The following CNNM1 variants were observed in gnomAD, a reference collection of about 807,000 sequenced individuals.
The protein encoded by CNNM1 is cyclin and CBS domain divalent metal cation transport mediator 1.
CNNM1 carries 44 observed loss-of-function variants against 78.8 expected under a neutral mutation model. That is an observed-to-expected ratio of 0.56 (90% CI 0.44 to 0.72). The LOEUF is 0.72. CNNM1 is among the 30% of genes least tolerant of loss of function. The pLI, the probability that CNNM1 is intolerant of heterozygous loss-of-function variation, is 0.00. For synonymous variants in CNNM1, 584 were observed against 581.5 expected (o/e 1.00, Z -0.06); for missense variants, 1,101 against 1,292.2 (o/e 0.85, Z 2.27).
chr10:99,387,354 C>T (rs528566125), intron 7 of CNNM1, among the ~76,000 whole-genome samples: 1 of 152,302 alleles, frequency 6.6e-6, no homozygotes, highest in South Asian at 2.1e-4. Context: ...TAGTCCAAAT[C>T]AGAAATGCCT....
At chr10:99,391,232 A>T (rs1171974339) in intron 10 of CNNM1, among the ~76,000 whole-genome samples, 1 of 152,270 alleles carries the variant, frequency 6.6e-6, no homozygotes, top group African/African-American at 2.4e-5. Context: ...CAGAGATGGC[A>T]TCTTATGTGG....
chr10:99,381,725 A>G (rs571764943), intron 7 of CNNM1, among the ~76,000 whole-genome samples: 1 of 151,724 alleles, frequency 6.6e-6, no homozygotes, highest in South Asian at 2.1e-4. Flanking sequence ...CCTGGGCGAC[A>G]AGAGCGAAAC....
In CNNM1 at chr10:99,360,857, G is replaced by A. The variant is rs1270786246; in HGVS notation, c.1740G>A (p.Arg580=). The change falls in exon 3 of 11, where the codon AGG becomes AGA. Residue 580 remains arginine (R), a synonymous_variant. Coordinates refer to ENST00000356713, the MANE Select transcript of CNNM1 (RefSeq NM_020348.3). ...DLYTDNRKKQ[R]VPQRERKRHD... ...CAGCTGACAATCGGAAAAAGCAGAG[G>A]GTCCCGCAACGGGAGCGGAAGCGGC... 3 of 1,609,118 alleles carry A rather than the reference G, an allele frequency of 1.9e-6. No homozygotes were observed. The highest frequency in any genetic ancestry group is 3.3e-5 in the Admixed American group (2 of 59,784).
intron 7 of CNNM1, among the ~76,000 whole-genome samples, chr10:99,383,711 A>G (rs1405569187): frequency 1.3e-5 from 2 of 152,196 alleles, no homozygotes; most frequent in Non-Finnish European, 2.9e-5. Context: ...GGGACTGGGT[A>G]GAGAGAGAAG....
At chr10:99,367,446 G>T (rs1404758222) in intron 6 of CNNM1, among the ~76,000 whole-genome samples, 1 of 152,146 alleles carries the variant, frequency 6.6e-6, no homozygotes. Context: ...GGTTCTGATT[G>T]CCAGGAACCC....
intron 9 of CNNM1, among the ~76,000 whole-genome samples, chr10:99,389,931 C>T (rs1057191608): frequency 6.6e-6 from 1 of 152,134 alleles, no homozygotes; most frequent in Non-Finnish European, 1.5e-5. Context: ...TGCAAATATA[C>T]CAAGGAGACC....
intron 1 of CNNM1, among the ~76,000 whole-genome samples, chr10:99,351,705 A>C (rs182737975): frequency 9.2e-5 from 14 of 151,968 alleles, no homozygotes; most frequent in Admixed American, 2.0e-4. Flanking sequence ...CTTCTCCCCT[A>C]TTTCTTGTCT....
chr10:99,390,929 T>G (rs1213459742), intron 10 of CNNM1, among the ~76,000 whole-genome samples: 1 of 152,236 alleles, frequency 6.6e-6, no homozygotes, highest in Non-Finnish European at 1.5e-5. Context: ...CAGATTGCTC[T>G]CTCATCCTTG....
intron 3 of CNNM1, 71 bp from the exon 4 acceptor site, chr10:99,362,156 C>G: frequency 7.0e-7 from 1 of 1,433,266 alleles, no homozygotes; most frequent in Non-Finnish European, 9.4e-7. Context: ...TGACTCCTCC[C>G]AGCTGCCACT....
rs1283834235 is a variant in CNNM1 at position 99,330,356 on chromosome 10, C to G, written c.969C>G (p.Phe323Leu). The G allele has an allele frequency of 4.4e-6, 7 of 1,599,700 alleles. No homozygotes were observed. Among genetic ancestry groups the G allele is most frequent in the Non-Finnish European group, 6.0e-6 (7 of 1,174,300 alleles). The change falls in exon 1 of 11, where the codon TTC (phenylalanine) becomes TTG (leucine). Residue 323 changes from phenylalanine (F) to leucine (L), a missense_variant. Transcript: ENST00000356713. ...ACTACAGCGAAGAGGGGATCCACTT[C>G]CCGTGGCTGCCGGCGCTCGTGTGCA... The part of the protein sequence containing the change: ...GEDYSEEGIH[F>L]PWLPALVCTG...
intron 1 of CNNM1, among the ~76,000 whole-genome samples, chr10:99,340,637 A>G (rs2030401095): frequency 6.6e-6 from 1 of 151,846 alleles, no homozygotes; most frequent in Non-Finnish European, 1.5e-5. Context: ...ACAGCTCTAA[A>G]TTCTCTTTTT....
At chr10:99,343,919 C>T (rs532386116) in intron 1 of CNNM1, among the ~76,000 whole-genome samples, 9 of 150,356 alleles carry the variant, frequency 6.0e-5, no homozygotes, top group African/African-American at 1.9e-4. Context: ...GATGGGGTTT[C>T]ACCATATTGG....
rs1435506726 is a variant in CNNM1 at position 99,330,525 on chromosome 10, C to G, written c.1138C>G (p.Leu380Val). The G allele has an allele frequency of 1.3e-6, 2 of 1,590,584 alleles. No homozygotes were observed. The change falls in exon 1 of 11, where the codon CTG becomes GTG. Residue 380 changes from leucine to valine, a missense_variant. By Grantham distance (32) the Leu-to-Val change is conservative. Transcript: ENST00000356713. ...CGTGTGCTACCCGCTGGGCCGCCTG[C>G]TGGACTGGGCGCTGCGCCAGGAGAT... ...FPVCYPLGRL[L>V]DWALRQEIST... is the part of the protein sequence containing the mutation.
At position 99,394,059 on chromosome 10, in the gene CNNM1, C is replaced by A. The variant is rs1347671997; in HGVS notation, c.*2543C>A. The A allele has an allele frequency of 1.3e-5, 2 of 152,444 alleles. No individual in the cohort carries two copies. 9.4% of individuals were successfully genotyped at this position (152,444 alleles called of 1,614,324 possible). ...GAACTACCATCATGCAGGCTTCTTG[C>A]CCAGCTGACCACTGGCCCCGGGGTG... is the stretch of plus-strand genomic sequence containing the variant. On this transcript the variant is annotated 3_prime_UTR_variant, in exon 11 of 11. Coordinates refer to ENST00000356713, the MANE Select transcript of CNNM1 (RefSeq NM_020348.3).
chr10:99,351,592 C>T (rs2030950840), intron 1 of CNNM1, among the ~76,000 whole-genome samples: 1 of 152,078 alleles, frequency 6.6e-6, no homozygotes, highest in Non-Finnish European at 1.5e-5. Context: ...AGATGTGAAC[C>T]AGGCCAACAG....
chr10:99,365,642 T>C (rs1341052761), intron 6 of CNNM1, among the ~76,000 whole-genome samples: 3 of 152,210 alleles, frequency 2.0e-5, no homozygotes, highest in Admixed American at 6.5e-5. Flanking sequence ...GCACTTGTGC[T>C]TAAAGGGCAT....
intron 1 of CNNM1, among the ~76,000 whole-genome samples, chr10:99,356,486 A>G (rs12259036): frequency 3.7e-5 from 5 of 136,976 alleles, no homozygotes; most frequent in South Asian, 2.3e-4. Context: ...GAAAGAAAGA[A>G]AGAGAGAGAG....
At position 99,335,504 on chromosome 10, in the gene CNNM1, C is replaced by T. The variant is rs1443871519; in HGVS notation, c.1573+4544C>T. Among the ~76,000 whole-genome samples the T allele has an allele frequency of 3.3e-5, 5 of 152,200 alleles. No homozygotes were observed. The East Asian group carries it at 7.7e-4, about 23-fold the overall frequency. On this transcript the variant is annotated intron_variant, in intron 1 of 10. Coordinates refer to ENST00000356713, the MANE Select transcript of CNNM1 (RefSeq NM_020348.3). ...TGAATAAATGGTTTTAAATACCTAA[C>T]TTCTATATTTCTATGTTTGAGTGAG...
intron 2 of CNNM1, among the ~76,000 whole-genome samples, chr10:99,359,324 C>T (rs2031344827): frequency 6.6e-6 from 1 of 152,144 alleles, no homozygotes; most frequent in Admixed American, 6.5e-5. Flanking sequence ...GGGCTAATAG[C>T]CTGTATTTTG....
Sources: allele counts gnomAD v4.1 joint callset (sites outside exome capture counted in the v4.1 genomes callset), GRCh38; gene constraint gnomAD v4.1.1; transcripts MANE v1.5; gene names NCBI Gene and HGNC (gene_info 2026-07-23, HGNC 2026-07-21).